The following RAPGEF5 variants were observed in gnomAD, a reference collection of about 807,000 sequenced individuals.
The protein encoded by RAPGEF5 is Rap guanine nucleotide exchange factor 5.
RAPGEF5 carries 65 observed loss-of-function variants against 125.2 expected under a neutral mutation model. That is an observed-to-expected ratio of 0.52 (90% CI 0.43 to 0.64). The LOEUF is 0.64. RAPGEF5 is among the 30% of genes least tolerant of loss of function. The pLI, the probability that RAPGEF5 is intolerant of heterozygous loss-of-function variation, is 0.00. For missense variants in RAPGEF5, 958 were observed against 1,048.1 expected (o/e 0.91, Z 1.19); for synonymous variants, 391 against 385.9 (o/e 1.01, Z -0.16).
intron 8 of RAPGEF5, among the ~76,000 whole-genome samples, chr7:22,226,315 T>G (rs1443892154): frequency 2.0e-5 from 3 of 152,138 alleles, no homozygotes; most frequent in Admixed American, 6.5e-5. Context: ...TTCATATAAT[T>G]TTTTTGCTAT....
At chr7:22,218,470 G>GA (rs1785694735) in intron 9 of RAPGEF5, among the ~76,000 whole-genome samples, 1 of 152,096 alleles carries the variant, frequency 6.6e-6, no homozygotes, top group South Asian at 2.1e-4. Context: ...CATAAGGAAA[G>GA]AAAAATGCTC....
intron 21 of RAPGEF5, among the ~76,000 whole-genome samples, chr7:22,139,286 G>T (rs1478389686): frequency 6.6e-6 from 1 of 152,174 alleles, no homozygotes. Flanking sequence ...GATGCTTAAA[G>T]AGCAATGATG....
At chr7:22,281,908 C>T (rs1027855772) in intron 6 of RAPGEF5, among the ~76,000 whole-genome samples, 8 of 152,162 alleles carry the variant, frequency 5.3e-5, no homozygotes, top group South Asian at 2.1e-4. Context: ...GTAGACACTT[C>T]GCTCTGCCCA....
At chr7:22,287,624 G>A (rs901790658) in intron 6 of RAPGEF5, among the ~76,000 whole-genome samples, 6 of 152,160 alleles carry the variant, frequency 3.9e-5, no homozygotes, top group East Asian at 1.9e-4. Context: ...CATTACAGAC[G>A]TCACTTCTGC....
At chr7:22,331,744 C>CAAAAAA (rs11406166) in intron 1 of RAPGEF5, among the ~76,000 whole-genome samples, 1 of 94,884 alleles carries the variant, frequency 1.1e-5, no homozygotes, top group Non-Finnish European at 2.1e-5. Context: ...GACTCCATCT[C>CAAAAAA]AAAAAAAAAA....
rs1042413633 is a variant in RAPGEF5, at chr7:22,118,350, A to C, written c.*4056T>G. The C allele has an allele frequency of 6.6e-6, 1 of 152,656 alleles. No individual in the cohort carries two copies. Among genetic ancestry groups the C allele is most frequent in the Non-Finnish European group, 1.5e-5 (1 of 68,044 alleles). The allele number at this position is 152,656 out of a possible 1,614,324, so 9.5% of individuals were successfully genotyped here. On this transcript the variant is annotated 3_prime_UTR_variant, in exon 26 of 26. Coordinates refer to ENST00000665637, the MANE Select transcript of RAPGEF5 (RefSeq NM_012294.5). Reference sequence around the variant, plus strand: ...TATTTGGAAAAGCAGTTTTAAAAAAAAATTGAAAATACAAGATAAGGTAAG... The same window carrying C: ...TATTTGGAAAAGCAGTTTTAAAAAACAATTGAAAATACAAGATAAGGTAAG...
chr7:22,161,261 T>C (rs1021499491), intron 13 of RAPGEF5, among the ~76,000 whole-genome samples: 3 of 151,030 alleles, frequency 2.0e-5, no homozygotes, highest in African/African-American at 4.9e-5. Context: ...ATAATATAGG[T>C]TGGGTGTGGT....
chr7:22,204,604 T>C (rs1251448682), intron 9 of RAPGEF5, among the ~76,000 whole-genome samples: 1 of 152,208 alleles, frequency 6.6e-6, no homozygotes, highest in Non-Finnish European at 1.5e-5. Context: ...AGTGAGGAGA[T>C]ACAAAGCATC....
chr7:22,232,121 A>G lies in RAPGEF5; in HGVS notation c.797-1202T>C, dbSNP rs1489615095. Among the ~76,000 whole-genome samples, 4 of 152,086 alleles carry G rather than the reference A, an allele frequency of 2.6e-5. No individual in the cohort carries two copies. The East Asian group carries it at 7.7e-4, about 29-fold the overall frequency. ...CAAAATGGACACAACTTGCCAATGA[A>G]TTGAATATGGAGAGAGAAAAAAGAG... On this transcript the variant is annotated intron_variant, in intron 7 of 25. Transcript: ENST00000665637.
At chr7:22,209,924 T>C (rs528957314) in intron 9 of RAPGEF5, among the ~76,000 whole-genome samples, 15 of 152,362 alleles carry the variant, frequency 9.8e-5, no homozygotes, top group African/African-American at 3.4e-4. Context: ...GTATTTACTT[T>C]TGCTAGAAGA....
chr7:22,273,937 A>T (rs949678187), intron 6 of RAPGEF5, among the ~76,000 whole-genome samples: 1 of 152,234 alleles, frequency 6.6e-6, no homozygotes, highest in African/African-American at 2.4e-5. Flanking sequence ...GAGAATGACC[A>T]GGAGATAGTC....
In RAPGEF5 at chr7:22,145,146, C is replaced by G. The variant is rs1783393334; in HGVS notation, c.2084G>C (p.Arg695Thr). 1 of 1,613,752 alleles carries G rather than the reference C, an allele frequency of 6.2e-7. No homozygotes were observed. The highest frequency in any genetic ancestry group is 8.5e-7 in the Non-Finnish European group (1 of 1,179,812). ...CACCCAAAGCTGGACCTCATTGCAT[C>G]TCTGGAGCAGAAGGCTGAGATTTGC... Reference protein sequence around the residue: ...HTANLSLLLQRCNEVQLWVAT... With the variant: ...HTANLSLLLQTCNEVQLWVAT... Residue 695 changes from arginine (R) to threonine (T), a missense_variant, in exon 20 of 26, where the codon AGA (arginine) becomes ACA (threonine). Coordinates refer to ENST00000665637, the MANE Select transcript of RAPGEF5 (RefSeq NM_012294.5).
intron 20 of RAPGEF5, among the ~76,000 whole-genome samples, chr7:22,142,207 T>C (rs995468203): frequency 6.6e-6 from 1 of 152,182 alleles, no homozygotes; most frequent in Non-Finnish European, 1.5e-5. Flanking sequence ...CCCCACTGCT[T>C]ATGCAATCTC....
At chr7:22,151,256 A>G (rs73276200) in intron 17 of RAPGEF5, among the ~76,000 whole-genome samples, 65 of 152,258 alleles carry the variant, frequency 4.3e-4, no homozygotes, top group African/African-American at 1.5e-3. Flanking sequence ...CCTTATGTTT[A>G]AATCTTTGTC....
At position 22,309,147 on chromosome 7, in the gene RAPGEF5, G is replaced by A. The variant is rs866786649; in HGVS notation, c.512-640C>T. Among the ~76,000 whole-genome samples the A allele has an allele frequency of 5.9e-5, 9 of 152,284 alleles. No individual in the cohort carries two copies. The South Asian group carries it at 6.2e-4, about 11-fold the overall frequency. On this transcript the variant is annotated intron_variant, in intron 4 of 25. Transcript: ENST00000665637. ...CTAGAGATTTTTCCAAAAGGTATTAGTACAAAATGTTTTGCTAACCAAAAG... is the reference window on the plus strand; with the variant it reads ...CTAGAGATTTTTCCAAAAGGTATTAATACAAAATGTTTTGCTAACCAAAAG...
intron 20 of RAPGEF5, among the ~76,000 whole-genome samples, chr7:22,143,731 C>T (rs1382185587): frequency 2.6e-5 from 4 of 152,250 alleles, no homozygotes; most frequent in African/African-American, 9.6e-5. Context: ...CTGCTTCCCA[C>T]ACCCTTGGGG....
intron 18 of RAPGEF5, among the ~76,000 whole-genome samples, chr7:22,148,894 C>A (rs527927963): frequency 6.6e-6 from 1 of 152,086 alleles, no homozygotes; most frequent in Non-Finnish European, 1.5e-5. Context: ...TCATGGGGAG[C>A]GGTAAAATCA....
intron 11 of RAPGEF5, among the ~76,000 whole-genome samples, chr7:22,178,210 G>C (rs538309427): frequency 1.3e-5 from 2 of 152,040 alleles, no homozygotes; most frequent in Non-Finnish European, 2.9e-5. Context: ...GAAATGTAAA[G>C]GTAAAAACTA....
rs1451123058 is a variant in RAPGEF5 at position 22,191,330 on chromosome 7, C to T, written c.1204+2037G>A. ...AGTTTGGAAGAGCTACACTGACTTCCACTTAGGCATCTCTTTTATATACAC... is the reference window on the plus strand; with the variant it reads ...AGTTTGGAAGAGCTACACTGACTTCTACTTAGGCATCTCTTTTATATACAC... On this transcript the variant is annotated intron_variant, in intron 11 of 25. Coordinates refer to ENST00000665637, the MANE Select transcript of RAPGEF5 (RefSeq NM_012294.5). 7 of 266,366 alleles carry T rather than the reference C, an allele frequency of 2.6e-5. No homozygotes were observed. In the East Asian group the frequency reaches 4.7e-4, roughly 18 times the overall value. 16.5% of individuals were successfully genotyped at this position (266,366 alleles called of 1,614,324 possible). A position where few individuals can be genotyped will look rare whatever the true frequency, so the allele number is the denominator to read the frequency against.
Sources: gnomAD v4.1 joint callset for allele counts (sites outside exome capture counted in the v4.1 genomes callset) on GRCh38, gnomAD v4.1.1 for gene constraint, MANE v1.5 for transcripts, NCBI Gene and HGNC (gene_info 2026-07-23, HGNC 2026-07-21) for gene names.